The following ESRRB variants were observed in gnomAD, a reference collection of about 807,000 sequenced individuals.
The protein encoded by ESRRB is steroid hormone receptor ERR2.
ESRRB carries 16 observed loss-of-function variants against 46.0 expected under a neutral mutation model. The ratio of observed to expected loss-of-function variants is 0.35; its 90% CI spans 0.24 to 0.53. The LOEUF (loss-of-function observed/expected upper bound fraction) is 0.53. Among genes scored for constraint, ESRRB ranks in the 20% least tolerant of loss-of-function variants. The pLI, the probability that ESRRB is intolerant of heterozygous loss-of-function variation, is 0.93. For missense variants in ESRRB, 488 were observed against 607.4 expected (o/e 0.80, Z 2.07); for synonymous variants, 246 against 259.6 (o/e 0.95, Z 0.50).
chr14:76,351,638 A>G (rs1297661201), intron 1 of ESRRB, among the ~76,000 whole-genome samples: 2 of 152,230 alleles, frequency 1.3e-5, no homozygotes, highest in African/African-American at 2.4e-5. Flanking sequence ...AATTCAACCC[A>G]TAACAGCCAT....
rs1323010426 is a variant in ESRRB at position 76,497,769 on chromosome 14, G to A, written c.1121-445G>A. Among the ~76,000 whole-genome samples the A allele has an allele frequency of 3.9e-5, 6 of 152,122 alleles. No homozygotes were observed. In the South Asian group the frequency reaches 6.2e-4, roughly 16 times the overall value. On this transcript the variant is annotated intron_variant, in intron 6 of 6. Transcript: ENST00000644823. Reference sequence around the variant, plus strand: ...TAGGGGCGGTGGTAGGGGTGATACCGCTACCAGGGCACTGACTTGTGACAA... The same window carrying A: ...TAGGGGCGGTGGTAGGGGTGATACCACTACCAGGGCACTGACTTGTGACAA...
intron 1 of ESRRB, among the ~76,000 whole-genome samples, chr14:76,332,142 C>T (rs57819104): frequency 6.6e-6 from 1 of 151,922 alleles, no homozygotes; most frequent in African/African-American, 2.4e-5. Context: ...TTGGAGTTGC[C>T]TCTCTCTTGG....
intron 2 of ESRRB, among the ~76,000 whole-genome samples, chr14:76,460,590 T>C (rs1170378292): frequency 1.3e-5 from 2 of 152,220 alleles, no homozygotes; most frequent in Non-Finnish European, 2.9e-5. Context: ...AGTTGAGAGA[T>C]TCTGTTCTGG....
intron 1 of ESRRB, 39 bp from the exon 2 acceptor site, chr14:76,439,302 G>C: frequency 6.2e-7 from 1 of 1,608,874 alleles, no homozygotes; most frequent in Non-Finnish European, 8.5e-7. Flanking sequence ...CACACCCACA[G>C]CACCTTGCTG....
chr14:76,489,970 G>A (rs535824913), intron 5 of ESRRB, among the ~76,000 whole-genome samples: 2 of 152,334 alleles, frequency 1.3e-5, no homozygotes, highest in South Asian at 2.1e-4. Flanking sequence ...AGTGCTGATG[G>A]CGCCGGGAGA....
intron 3 of ESRRB, among the ~76,000 whole-genome samples, chr14:76,473,421 T>C (rs1595153818): frequency 6.6e-6 from 1 of 152,336 alleles, no homozygotes; most frequent in Non-Finnish European, 1.5e-5. Context: ...ACCTGGATAG[T>C]AGCTGATGGG....
chr14:76,452,501 T>A (rs935378578), intron 2 of ESRRB, among the ~76,000 whole-genome samples: 2 of 151,568 alleles, frequency 1.3e-5, no homozygotes, highest in Non-Finnish European at 2.9e-5. Flanking sequence ...GTGGCTATAA[T>A]CCCAGCTACT....
chr14:76,383,893 CTGTT>C (rs1282634328), intron 1 of ESRRB, among the ~76,000 whole-genome samples: 3 of 152,160 alleles, frequency 2.0e-5, no homozygotes, highest in East Asian at 1.9e-4. Context: ...TTCAGGTGGT[CTGTT>C]TGTTATCTGA....
intron 2 of ESRRB, among the ~76,000 whole-genome samples, chr14:76,445,665 T>C (rs904503925): frequency 2.7e-5 from 4 of 150,154 alleles, no homozygotes; most frequent in Non-Finnish European, 4.4e-5. Flanking sequence ...TAAGACCGAG[T>C]CATTCCTTCT....
chr14:76,401,989 G>C (rs1885966106), intron 1 of ESRRB, among the ~76,000 whole-genome samples: 1 of 152,194 alleles, frequency 6.6e-6, no homozygotes, highest in Non-Finnish European at 1.5e-5. Flanking sequence ...GCAGACTTGG[G>C]ACCCAGGAAG....
At chr14:76,400,219 TCCTTTG>T (rs1354891290) in intron 1 of ESRRB, among the ~76,000 whole-genome samples, 1 of 152,176 alleles carries the variant, frequency 6.6e-6, no homozygotes, top group African/African-American at 2.4e-5. Flanking sequence ...TGTACTGCCG[TCCTTTG>T]ACATTTTCCT....
rs1422488242 is a variant in ESRRB, at chr14:76,498,731, G to A, written c.*273G>A. On this transcript the variant is annotated 3_prime_UTR_variant, in exon 7 of 7. Coordinates refer to ENST00000644823, the MANE Select transcript of ESRRB (RefSeq NM_001379180.1). ...TCTCCATGGACGGTGCGGAGGCCTG[G>A]GCCAGGGCTGACTCCCTTCAGGAGT... 9.1e-7 allele frequency: 1 copy of A among 1,102,160 alleles called. No homozygotes were observed. The highest frequency in any genetic ancestry group is 1.2e-5 in the South Asian group (1 of 80,942). 68.3% of individuals were successfully genotyped at this position (1,102,160 alleles called of 1,614,324 possible).
In ESRRB at chr14:76,470,138, G is replaced by A. The variant is rs140597187; in HGVS notation, c.577+7477G>A. ...AATTTTTTGTAATTTTAGTAGAGAT[G>A]GGGTTTCACCATGTTGGCCCAGGCT... On this transcript the variant is annotated intron_variant, in intron 3 of 6. Coordinates refer to ENST00000644823, the MANE Select transcript of ESRRB (RefSeq NM_001379180.1). Among the ~76,000 whole-genome samples, 998 of 151,836 alleles carry A rather than the reference G, an allele frequency of 6.6e-3. 17 individuals are homozygous for A. Among genetic ancestry groups the A allele is most frequent in the African/African-American group, 0.023 (957 of 41,410 alleles).
chr14:76,319,809 C>T (rs1230457089), intron 1 of ESRRB, among the ~76,000 whole-genome samples: 1 of 152,084 alleles, frequency 6.6e-6, no homozygotes, highest in Non-Finnish European at 1.5e-5. Context: ...AGCTTCAAAA[C>T]AGAGCCAGTG....
chr14:76,333,118 A>AT (rs1354200409), intron 1 of ESRRB, among the ~76,000 whole-genome samples: 1 of 10,872 alleles, frequency 9.2e-5, no homozygotes. Flanking sequence ...TATAATATAT[A>AT]ATATATATAT....
rs889910488 is a variant in ESRRB, at chr14:76,323,032, G to A, written c.2+12116G>A. Among the ~76,000 whole-genome samples the A allele has an allele frequency of 4.6e-5, 7 of 152,300 alleles. No individual in the cohort carries two copies. The East Asian group carries it at 9.6e-4, about 21-fold the overall frequency. ...CACTTTCTGTCCAGGGGCTCCCACAGCCTGTAGTCTCCCTTCTGAATGCAG... is the reference window on the plus strand; with the variant it reads ...CACTTTCTGTCCAGGGGCTCCCACAACCTGTAGTCTCCCTTCTGAATGCAG... On this transcript the variant is annotated intron_variant, in intron 1 of 6. Transcript: ENST00000512784.
chr14:76,422,601 C>T (rs547765133), intron 1 of ESRRB, among the ~76,000 whole-genome samples: 67 of 152,278 alleles, frequency 4.4e-4, no homozygotes, highest in African/African-American at 1.6e-3. Flanking sequence ...AGGACCTGTA[C>T]CCAAGATTGC....
At chr14:76,321,840 T>C (rs1169221947) in intron 1 of ESRRB, among the ~76,000 whole-genome samples, 2 of 151,774 alleles carry the variant, frequency 1.3e-5, no homozygotes, top group Admixed American at 6.6e-5. Context: ...TGAGCCGAGA[T>C]TGTGCCACTG....
intron 2 of ESRRB, among the ~76,000 whole-genome samples, chr14:76,458,056 G>C (rs1391803591): frequency 6.6e-6 from 1 of 152,186 alleles, no homozygotes; most frequent in Non-Finnish European, 1.5e-5. Flanking sequence ...GAGGCTCAGA[G>C]AAGTTAGGTG....
Sources: allele counts gnomAD v4.1 joint callset (sites outside exome capture counted in the v4.1 genomes callset), GRCh38; gene constraint gnomAD v4.1.1; transcripts MANE v1.5; gene names NCBI Gene and HGNC (gene_info 2026-07-23, HGNC 2026-07-21).